Variants in NGEF observed in about 807,000 individuals in gnomAD.
The protein encoded by NGEF is ephexin-1.
Under a neutral mutation model 80.9 loss-of-function variants are expected in NGEF, and 31 were observed. The ratio of observed to expected loss-of-function variants is 0.38; its 90% CI spans 0.29 to 0.52. NGEF has a LOEUF of 0.52. NGEF is among the 20% of genes least tolerant of loss of function. The pLI, the probability that NGEF is intolerant of heterozygous loss-of-function variation, is 0.84. For synonymous variants in NGEF, 371 were observed against 370.2 expected, an observed-to-expected ratio of 1.00 and a Z score of -0.03; for missense variants, 709 against 926.2, an observed-to-expected ratio of 0.77 and a Z score of 3.04.
intron 3 of NGEF, among the ~76,000 whole-genome samples, chr2:232,951,372 C>T (rs1693676014): frequency 6.6e-6 from 1 of 152,232 alleles, no homozygotes; most frequent in Admixed American, 6.5e-5. Context: ...TGATGCTGCG[C>T]ACCCACAGAT....
chr2:232,899,418 C>T (rs532878947), intron 5 of NGEF, among the ~76,000 whole-genome samples: 7 of 152,170 alleles, frequency 4.6e-5, no homozygotes, highest in Non-Finnish European at 1.0e-4. Context: ...GCCTGGATTC[C>T]TTGTGAAGAT....
chr2:232,925,576 G>A (rs1693045300), intron 4 of NGEF, among the ~76,000 whole-genome samples: 1 of 152,120 alleles, frequency 6.6e-6, no homozygotes, highest in Non-Finnish European at 1.5e-5. Context: ...AGCCCAGCAG[G>A]TTCAGCCGTC....
chr2:232,896,844 G>C (rs187369300), intron 5 of NGEF, among the ~76,000 whole-genome samples: 2 of 118,826 alleles, frequency 1.7e-5, no homozygotes, highest in African/African-American at 3.5e-5. Flanking sequence ...GGTTGAGGGT[G>C]GGGGTGAGGG....
chr2:232,893,055 G>C lies in NGEF; in HGVS notation c.990-5C>G, dbSNP rs548487043. 4 of 1,609,816 alleles carry C rather than the reference G, an allele frequency of 2.5e-6. No homozygotes were observed. The highest frequency in any genetic ancestry group is 4.5e-5 in the East Asian group (2 of 44,818). ...TGCTCCAGCTCCAGGAGGAACCTACGAGAGGCAGCGGCTTGAGGCGGAGGG... is the reference window on the plus strand; with the variant it reads ...TGCTCCAGCTCCAGGAGGAACCTACCAGAGGCAGCGGCTTGAGGCGGAGGG... On this transcript the variant is annotated splice_polypyrimidine_tract_variant and splice_region_variant and intron_variant, in intron 6 of 14. Coordinates refer to ENST00000264051, the MANE Select transcript of NGEF (RefSeq NM_019850.3).
intron 3 of NGEF, among the ~76,000 whole-genome samples, chr2:232,963,393 A>T (rs750157016): frequency 6.6e-6 from 1 of 152,010 alleles, no homozygotes; most frequent in African/African-American, 2.4e-5. Context: ...AACTTCTATA[A>T]GAAAACGTAG....
At chr2:232,928,000 A>G (rs1575021744) in intron 3 of NGEF, 1 of 1,097,256 alleles carries the variant, frequency 9.1e-7, no homozygotes, top group Non-Finnish European at 1.1e-6. Context: ...GCAGCTCCAT[A>G]GGGTCGGCGG....
At chr2:232,949,735 T>A (rs1446052050) in intron 3 of NGEF, among the ~76,000 whole-genome samples, 1 of 114,516 alleles carries the variant, frequency 8.7e-6, no homozygotes, top group Admixed American at 9.8e-5. Context: ...TGCCTCAGAC[T>A]CCCAAAGTGC....
At chr2:232,893,166 G>A (rs992255014) in intron 6 of NGEF, 116 bp from the exon 7 acceptor site, 42 of 1,016,428 alleles carry the variant, frequency 4.1e-5, no homozygotes, top group African/African-American at 6.4e-5. Flanking sequence ...TGTGCACGGT[G>A]AGCGTACAGG....
intron 4 of NGEF, among the ~76,000 whole-genome samples, chr2:232,923,090 AAAC>A (rs768597546): frequency 7.4e-5 from 11 of 148,966 alleles, no homozygotes; most frequent in Non-Finnish European, 1.3e-4. Context: ...AACAAAAAAC[AAAC>A]AACAACAACA....
At chr2:232,904,167 G>A (rs1194063267) in intron 5 of NGEF, among the ~76,000 whole-genome samples, 3 of 152,042 alleles carry the variant, frequency 2.0e-5, no homozygotes, top group South Asian at 2.1e-4. Context: ...TCTGGGCATG[G>A]GGGGACCGAG....
intron 5 of NGEF, chr2:232,905,620 C>G (rs1485313425): frequency 3.1e-6 from 1 of 325,848 alleles, no homozygotes; most frequent in African/African-American, 2.3e-5. Flanking sequence ...AAGTGAGGAG[C>G]GTCTCTGCCC....
intron 5 of NGEF, among the ~76,000 whole-genome samples, chr2:232,900,890 G>C (rs1261962019): frequency 6.6e-6 from 1 of 152,200 alleles, no homozygotes; most frequent in Non-Finnish European, 1.5e-5. Context: ...AGGTGAGCAG[G>C]CCCCCTCTCA....
At chr2:232,964,678 A>G (rs1574641010) in intron 3 of NGEF, among the ~76,000 whole-genome samples, 1 of 152,302 alleles carries the variant, frequency 6.6e-6, no homozygotes, top group African/African-American at 2.4e-5. Context: ...AAAGAGTGAG[A>G]CTCTGTCTCA....
intron 3 of NGEF, among the ~76,000 whole-genome samples, chr2:232,929,126 G>C (rs1693163323): frequency 6.6e-6 from 1 of 152,230 alleles, no homozygotes; most frequent in Non-Finnish European, 1.5e-5. Flanking sequence ...GCCTGCAGCC[G>C]GGCCTGTCCT....
At position 232,891,881 on chromosome 2, in the gene NGEF, A is replaced by C. The variant is rs1574992647; in HGVS notation, c.1143-394T>G. On this transcript the variant is annotated intron_variant, in intron 7 of 14. Coordinates refer to ENST00000264051, the MANE Select transcript of NGEF (RefSeq NM_019850.3). ...CAGGACAGCCTGCACTATTTCTGAC[A>C]GGTGGGCTCAGCGGTGGGCTGGGCC... Among the ~76,000 whole-genome samples the C allele has an allele frequency of 3.3e-5, 5 of 149,768 alleles. No homozygotes were observed. In the South Asian group the frequency reaches 1.0e-3, roughly 31 times the overall value.
chr2:232,921,165 G>A (rs952596613), intron 4 of NGEF, among the ~76,000 whole-genome samples: 3 of 152,184 alleles, frequency 2.0e-5, no homozygotes, highest in Non-Finnish European at 4.4e-5. Flanking sequence ...TCTCTTAGGC[G>A]ATTTGGGGGC....
intron 1 of NGEF, among the ~76,000 whole-genome samples, chr2:232,978,383 T>TGG (rs1356296975): frequency 6.6e-6 from 1 of 151,710 alleles, no homozygotes; most frequent in African/African-American, 2.4e-5. Context: ...GGCGTGGTGG[T>TGG]GGGCGCCTGT....
At chr2:232,943,283 T>C (rs1429330939) in intron 3 of NGEF, among the ~76,000 whole-genome samples, 2 of 152,118 alleles carry the variant, frequency 1.3e-5, no homozygotes, top group Non-Finnish European at 2.9e-5. Flanking sequence ...CTGAGTTTTC[T>C]GTTAAGAAGT....
intron 8 of NGEF, among the ~76,000 whole-genome samples, chr2:232,890,450 G>A (rs975021292): frequency 3.3e-5 from 5 of 152,226 alleles, no homozygotes; most frequent in East Asian, 1.9e-4. Context: ...CGGCCTCTTC[G>A]GTTAATTACC....
Sources: gnomAD v4.1 joint callset for allele counts (sites outside exome capture counted in the v4.1 genomes callset) on GRCh38, gnomAD v4.1.1 for gene constraint, MANE v1.5 for transcripts, NCBI Gene and HGNC (gene_info 2026-07-23, HGNC 2026-07-21) for gene names.